The following DSCAM variants were observed in gnomAD, a reference collection of about 807,000 sequenced individuals.
DSCAM encodes the protein DS cell adhesion molecule.
DSCAM carries 47 observed loss-of-function variants against 217.7 expected under a neutral mutation model. The ratio of observed to expected loss-of-function variants is 0.22; its 90% CI spans 0.17 to 0.28. The LOEUF is 0.28. Among genes scored for constraint, DSCAM ranks in the 10% least tolerant of loss-of-function variants. The probability of loss-of-function intolerance (pLI) is 1.00; values close to 1 mark genes in which losing one functional copy is unlikely to be tolerated. For missense variants in DSCAM, 2,080 were observed against 2,618.3 expected (o/e 0.79, Z 4.49); for synonymous variants, 1,056 against 1,015.3 (o/e 1.04, Z -0.76).
intron 32 of DSCAM, among the ~76,000 whole-genome samples, chr21:40,026,394 G>T (rs1334345175): frequency 1.4e-5 from 2 of 140,808 alleles, no homozygotes; most frequent in Non-Finnish European, 3.1e-5. Flanking sequence ...AGGTCCACTT[G>T]ATGCAGAGCT....
At chr21:40,329,761 A>C (rs949062875) in intron 8 of DSCAM, among the ~76,000 whole-genome samples, 2 of 152,090 alleles carry the variant, frequency 1.3e-5, no homozygotes, top group African/African-American at 4.8e-5. Context: ...AACCTGGAGA[A>C]CATTATATTA....
At chr21:40,565,682 T>G (rs2076758900) in intron 3 of DSCAM, among the ~76,000 whole-genome samples, 1 of 152,142 alleles carries the variant, frequency 6.6e-6, no homozygotes, top group African/African-American at 2.4e-5. Context: ...GCCCAGAGTG[T>G]CTTATCTGAA....
chr21:40,262,819 T>C (rs761881474), intron 11 of DSCAM, among the ~76,000 whole-genome samples: 5 of 152,222 alleles, frequency 3.3e-5, no homozygotes, highest in Non-Finnish European at 2.9e-5. Flanking sequence ...CTGTGCCTAA[T>C]ACCGTGCTTG....
chr21:40,224,780 G>A (rs909572552), intron 11 of DSCAM, among the ~76,000 whole-genome samples: 1 of 152,138 alleles, frequency 6.6e-6, no homozygotes, highest in Non-Finnish European at 1.5e-5. Context: ...TCAAATGACA[G>A]CTATTGGGAC....
At chr21:40,371,447 T>C (rs2074897854) in intron 3 of DSCAM, among the ~76,000 whole-genome samples, 1 of 151,370 alleles carries the variant, frequency 6.6e-6, no homozygotes, top group African/African-American at 2.4e-5. Context: ...ATGATGTATG[T>C]AATTCCTGTC....
At chr21:40,284,386 C>T (rs2073800466) in intron 10 of DSCAM, among the ~76,000 whole-genome samples, 1 of 152,154 alleles carries the variant, frequency 6.6e-6, no homozygotes, top group East Asian at 1.9e-4. Flanking sequence ...GTGTCAGATG[C>T]TGTATGTTGA....
At chr21:40,688,434 C>T (rs1030804624) in intron 3 of DSCAM, among the ~76,000 whole-genome samples, 7 of 152,096 alleles carry the variant, frequency 4.6e-5, no homozygotes, top group East Asian at 1.9e-4. Flanking sequence ...ATCAGCAGTA[C>T]CTCCAAAAGC....
At chr21:40,800,601 A>G (rs543106583) in intron 1 of DSCAM, among the ~76,000 whole-genome samples, 6 of 152,204 alleles carry the variant, frequency 3.9e-5, no homozygotes, top group Non-Finnish European at 7.3e-5. Context: ...ATAAATTGGC[A>G]AATAATTTGG....
intron 8 of DSCAM, 140 bp downstream of exon 8, chr21:40,337,961 T>C (rs1178813917): frequency 1.8e-6 from 2 of 1,085,034 alleles, no homozygotes; most frequent in African/African-American, 1.6e-5. Context: ...GGACATCTCA[T>C]GTTCCCTGTC....
intron 15 of DSCAM, among the ~76,000 whole-genome samples, chr21:40,175,519 A>G (rs1322276626): frequency 1.3e-5 from 2 of 152,030 alleles, no homozygotes; most frequent in East Asian, 3.9e-4. Flanking sequence ...GTTCATAGAT[A>G]GTGCCTTCTT....
rs8130316 is a variant in DSCAM at position 40,483,775 on chromosome 21, T to C, written c.509-114530A>G. On this transcript the variant is annotated intron_variant, in intron 3 of 32. Coordinates refer to ENST00000400454, the MANE Select transcript of DSCAM (RefSeq NM_001389.5). ...TGCCTAGTTCTTCTCATTTTAACAATAGTACCCAGACGTGCGTGGGCTCCC... is the reference window on the plus strand; with the variant it reads ...TGCCTAGTTCTTCTCATTTTAACAACAGTACCCAGACGTGCGTGGGCTCCC... 7.9e-3 allele frequency among the ~76,000 whole-genome samples: 1,202 copies of C among 152,316 alleles called. 13 individuals carry two copies. The highest frequency in any genetic ancestry group is 0.027 in the African/African-American group (1,136 of 41,574).
chr21:40,672,333 C>T lies in DSCAM; in HGVS notation c.508+20477G>A, dbSNP rs2090286746. ...GTGCCTAATAATTACTGTGAGATGTCGACCATCAACTGCTATATCCGGAGT... is the reference window on the plus strand; with the variant it reads ...GTGCCTAATAATTACTGTGAGATGTTGACCATCAACTGCTATATCCGGAGT... On this transcript the variant is annotated intron_variant, in intron 3 of 32. Transcript: ENST00000400454. Among the ~76,000 whole-genome samples, 3 of 151,948 alleles carry T rather than the reference C, an allele frequency of 2.0e-5. No homozygotes were observed. In the South Asian group the frequency reaches 6.2e-4, roughly 32 times the overall value.
At chr21:40,324,440 C>T (rs1470756119) in intron 8 of DSCAM, among the ~76,000 whole-genome samples, 1 of 152,064 alleles carries the variant, frequency 6.6e-6, no homozygotes, top group East Asian at 1.9e-4. Context: ...AATGGATGCC[C>T]TGCAATATTG....
rs936367418 is a variant in DSCAM at position 40,495,122 on chromosome 21, G to A, written c.509-125877C>T. ...AGACTCTAATCAAGGAAAAATCCAGGACCTGATGGCTTCATTGATAAATTC... is the reference window on the plus strand; with the variant it reads ...AGACTCTAATCAAGGAAAAATCCAGAACCTGATGGCTTCATTGATAAATTC... On this transcript the variant is annotated intron_variant, in intron 3 of 32. Coordinates refer to ENST00000400454, the MANE Select transcript of DSCAM (RefSeq NM_001389.5). Among the ~76,000 whole-genome samples, 7 of 152,178 alleles carry A rather than the reference G, an allele frequency of 4.6e-5. No individual in the cohort carries two copies. The East Asian group carries it at 1.4e-3, about 29-fold the overall frequency.
In DSCAM at chr21:40,452,267, C is replaced by CACACAGGTATCCTGG. The variant is rs1220000705; in HGVS notation, c.509-83023_509-83022insCCAGGATACCTGTGT. 2.6e-5 allele frequency among the ~76,000 whole-genome samples: 4 copies of CACACAGGTATCCTGG among 151,334 alleles called. No individual in the cohort carries two copies. In the South Asian group the frequency reaches 8.4e-4, roughly 32 times the overall value. On this transcript the variant is annotated intron_variant, in intron 3 of 32. Coordinates refer to ENST00000400454, the MANE Select transcript of DSCAM (RefSeq NM_001389.5). ...ACACACACACACACACACACACACA[C>CACACAGGTATCCTGG]AGGTATCCTGGAGGTATCCTGGAAA...
intron 3 of DSCAM, among the ~76,000 whole-genome samples, chr21:40,549,392 TA>T (rs201808406): frequency 3.3e-5 from 5 of 151,164 alleles, no homozygotes; most frequent in South Asian, 2.1e-4. Flanking sequence ...TACTTCGAGA[TA>T]AAAAAAAACA....
At chr21:40,666,739 C>A (rs1284962312) in intron 3 of DSCAM, among the ~76,000 whole-genome samples, 3 of 152,202 alleles carry the variant, frequency 2.0e-5, no homozygotes, top group Non-Finnish European at 2.9e-5. Flanking sequence ...TCTATGGGAC[C>A]AGTTGCGGTT....
intron 3 of DSCAM, among the ~76,000 whole-genome samples, chr21:40,562,314 T>C (rs558135657): frequency 1.5e-4 from 23 of 152,306 alleles, no homozygotes; most frequent in Admixed American, 6.5e-4. Context: ...ACATGCTCTC[T>C]CACCTTCTCT....
In DSCAM at chr21:40,144,659, C is replaced by T; in HGVS notation, c.3091G>A (p.Gly1031Ser). 1 of 1,614,126 alleles carries T rather than the reference C, an allele frequency of 6.2e-7. No individual in the cohort carries two copies. Among genetic ancestry groups the T allele is most frequent in the South Asian group, 1.1e-5 (1 of 91,072 alleles). The change falls in exon 17 of 33, where the codon GGT (glycine) becomes AGT (serine). Residue 1031 changes from glycine to serine, a missense_variant. By Grantham distance (56) the Gly-to-Ser change is moderately conservative. Around this residue, in one of 5 missense-constraint regions of DSCAM, gnomAD observed 1,144 missense variants for 1,421.1 expected, o/e 0.81. Transcript: ENST00000400454. The surrounding 1 kb of genome is among the most constrained non-coding windows in gnomAD (Gnocchi z 4.8). ...CTGATAATGTTGAATTGGAAGTTAC[C>T]CCCAGTGCTGTACTCTCGGTAACCT... is the stretch of plus-strand genomic sequence containing the variant. ...QIGYREYSTG[G>S]NFQFNIISVD...
Sources: gnomAD v4.1 joint callset for allele counts (sites outside exome capture counted in the v4.1 genomes callset) on GRCh38, gnomAD v4.1.1 for gene constraint, gnomAD v4.1.1 regional missense constraint, Gnocchi (gnomAD v3.1) non-coding constraint, MANE v1.5 for transcripts, NCBI Gene and HGNC (gene_info 2026-07-23, HGNC 2026-07-21) for gene names.